IL1RAPL2: variants seen among roughly 807,000 people sequenced by gnomAD.
IL1RAPL2 encodes the protein interleukin 1 receptor accessory protein like 2, also known as X-linked interleukin-1 receptor accessory protein-like 2.
Under a neutral mutation model 44.1 loss-of-function variants are expected in IL1RAPL2, and 3 were observed. That is an observed-to-expected ratio of 0.07 (90% CI 0.03 to 0.18). The LOEUF is 0.18. Ranked by LOEUF, IL1RAPL2 falls within the 10% of genes least tolerant of loss-of-function variation. The pLI is 1.00. For synonymous variants in IL1RAPL2, 181 were observed against 178.8 expected (o/e 1.01, Z -0.10); for missense variants, 391 against 496.4 (o/e 0.79, Z 2.02).
chrX:105,458,139 G>A (rs1044352354), intron 5 of IL1RAPL2, among the ~76,000 whole-genome samples: 3 of 110,777 alleles, frequency 2.7e-5, no homozygotes, highest in African/African-American at 6.5e-5. Flanking sequence ...AATGTCTATC[G>A]AATTTCTTTG....
chrX:105,112,509 A>T (rs1249197170), intron 2 of IL1RAPL2, among the ~76,000 whole-genome samples: 1 of 112,719 alleles, frequency 8.9e-6, no homozygotes, highest in East Asian at 2.8e-4. Flanking sequence ...GACTTATGCT[A>T]TGCACGAATG....
chrX:105,548,429 A>G (rs901018882), intron 6 of IL1RAPL2, among the ~76,000 whole-genome samples: 19 of 111,457 alleles, frequency 1.7e-4, no homozygotes, highest in Non-Finnish European at 3.6e-4. Context: ...CAGGCAGAGT[A>G]AACAGCATAG....
At chrX:104,679,076 T>A (rs181653580) in intron 2 of IL1RAPL2, among the ~76,000 whole-genome samples, 17 of 112,095 alleles carry the variant, frequency 1.5e-4, no homozygotes, top group African/African-American at 5.2e-4. Context: ...CCTGATTAGA[T>A]CTTTAATGTC....
At chrX:105,574,429 G>A (rs1328017099) in intron 6 of IL1RAPL2, among the ~76,000 whole-genome samples, 1 of 111,255 alleles carries the variant, frequency 9.0e-6, no homozygotes, top group Non-Finnish European at 1.9e-5. Context: ...AGCAAGCTCT[G>A]TATGGGACAG....
chrX:105,415,131 A>G (rs1165657363), intron 5 of IL1RAPL2, among the ~76,000 whole-genome samples: 2 of 112,076 alleles, frequency 1.8e-5, no homozygotes, highest in African/African-American at 6.5e-5. Flanking sequence ...AAGTAGCTAT[A>G]TTCCATTGCT....
intron 3 of IL1RAPL2, among the ~76,000 whole-genome samples, chrX:105,215,402 T>A (rs1433051871): frequency 9.0e-5 from 10 of 111,642 alleles, no homozygotes; most frequent in African/African-American, 3.3e-4. Context: ...CTCCCAAGAC[T>A]AAACCAGGAA....
In IL1RAPL2 at chrX:105,080,287, C is replaced by A. The variant is rs145466033; in HGVS notation, c.83-115188C>A. On this transcript the variant is annotated intron_variant, in intron 2 of 10. Coordinates refer to ENST00000372582, the MANE Select transcript of IL1RAPL2 (RefSeq NM_017416.2). ...GAATTTGGTCTTTTAGTCATAAAGT[C>A]TTTGCCCATGCCAATGTCCTGAATG... is the stretch of plus-strand genomic sequence containing the variant. Among the ~76,000 whole-genome samples the A allele has an allele frequency of 3.7e-3, 411 of 111,978 alleles. 2 individuals carry two copies. The highest frequency in any genetic ancestry group is 0.013 in the African/African-American group (386 of 30,796).
intron 2 of IL1RAPL2, among the ~76,000 whole-genome samples, chrX:104,784,059 A>G (rs1183043239): frequency 1.8e-5 from 2 of 111,623 alleles, no homozygotes; most frequent in Non-Finnish European, 3.8e-5. Flanking sequence ...AATAATTCCT[A>G]GGAACCTTGC....
chrX:105,238,821 A>G (rs1004050937), intron 4 of IL1RAPL2, among the ~76,000 whole-genome samples: 1 of 111,138 alleles, frequency 9.0e-6, no homozygotes, highest in Non-Finnish European at 1.9e-5. Context: ...GGTCTCAGCA[A>G]TTCATTCATA....
At chrX:105,601,096 A>C (rs1300187458) in intron 6 of IL1RAPL2, among the ~76,000 whole-genome samples, 1 of 111,397 alleles carries the variant, frequency 9.0e-6, no homozygotes, top group Non-Finnish European at 1.9e-5. Context: ...CCATATGTAC[A>C]TTAGGTAATT....
chrX:104,843,569 T>A (rs1480184541), intron 2 of IL1RAPL2, among the ~76,000 whole-genome samples: 2 of 110,977 alleles, frequency 1.8e-5, no homozygotes, highest in Non-Finnish European at 3.8e-5. Context: ...ATCTGCAGAT[T>A]GCAAAAATCC....
chrX:104,799,111 C>T (rs1319451425), intron 2 of IL1RAPL2, among the ~76,000 whole-genome samples: 3 of 110,899 alleles, frequency 2.7e-5, no homozygotes, highest in East Asian at 2.9e-4. Context: ...AACTGAGGTT[C>T]GGAGAAGTTA....
chrX:105,239,001 GTTTGGAGTA>G (rs2034145824), intron 4 of IL1RAPL2, among the ~76,000 whole-genome samples: 1 of 111,758 alleles, frequency 8.9e-6, no homozygotes, highest in East Asian at 2.8e-4. Flanking sequence ...AATACCAAGA[GTTTGGAGTA>G]TGCCCCTTAC....
chrX:105,082,635 C>T (rs1292449121), intron 2 of IL1RAPL2, among the ~76,000 whole-genome samples: 1 of 111,625 alleles, frequency 9.0e-6, no homozygotes, highest in Admixed American at 9.6e-5. Flanking sequence ...TCTGCAGCCT[C>T]CTCTAGTGAT....
At chrX:105,202,141 G>T (rs1462357563) in intron 3 of IL1RAPL2, among the ~76,000 whole-genome samples, 1 of 111,676 alleles carries the variant, frequency 9.0e-6, no homozygotes, top group African/African-American at 3.2e-5. Context: ...CCATACTATT[G>T]TACATTAACT....
At chrX:105,406,214 G>A in intron 5 of IL1RAPL2, 1 of 1,136,037 alleles carries the variant, frequency 8.8e-7, no homozygotes, top group Non-Finnish European at 1.2e-6. Flanking sequence ...TAAAGAACCT[G>A]ACAGTATGCT....
intron 2 of IL1RAPL2, among the ~76,000 whole-genome samples, chrX:104,919,792 C>G (rs372326029): frequency 9.3e-6 from 1 of 107,995 alleles, no homozygotes; most frequent in Non-Finnish European, 1.9e-5. Context: ...CCACCTTCCT[C>G]GACCTCCCAA....
At chrX:104,648,470 A>G (rs1930089327) in intron 1 of IL1RAPL2, among the ~76,000 whole-genome samples, 1 of 112,566 alleles carries the variant, frequency 8.9e-6, no homozygotes, top group African/African-American at 3.2e-5. Context: ...CTAATTTATA[A>G]TGTCATAAAC....
intron 2 of IL1RAPL2, among the ~76,000 whole-genome samples, chrX:105,052,576 G>C (rs1157913789): frequency 9.0e-6 from 1 of 111,581 alleles, no homozygotes; most frequent in Non-Finnish European, 1.9e-5. Context: ...TTCTGTTAGA[G>C]CTTTCCAAAA....
Sources: allele counts gnomAD v4.1 joint callset (sites outside exome capture counted in the v4.1 genomes callset), GRCh38; gene constraint gnomAD v4.1.1; transcripts MANE v1.5; gene names NCBI Gene and HGNC (gene_info 2026-07-23, HGNC 2026-07-21).